Variants in ANKAR observed in about 807,000 individuals in gnomAD.
ANKAR encodes the protein ankyrin and armadillo repeat containing, also known as ankyrin and armadillo repeat-containing protein.
Under a neutral mutation model 146.2 loss-of-function variants are expected in ANKAR, and 136 were observed. That is an observed-to-expected ratio of 0.93 (90% confidence interval 0.81 to 1.07). The LOEUF is 1.07. Among genes scored for constraint, ANKAR ranks in the 50% least tolerant of loss-of-function variants. The pLI is 0.00. For synonymous variants in ANKAR, 500 were observed against 575.8 expected (o/e 0.87, Z 1.88); for missense variants, 1,567 against 1,679.9 (o/e 0.93, Z 1.18).
intron 16 of ANKAR, among the ~76,000 whole-genome samples, chr2:189,731,672 G>GT: frequency 1.9e-4 from 1 of 5,382 alleles, no homozygotes; most frequent in Non-Finnish European, 5.6e-3. Context: ...CACCCAGGCT[G>GT]TTTCTTTTTT....
chr2:189,722,306 T>G (rs1031549281), intron 12 of ANKAR, among the ~76,000 whole-genome samples: 4 of 136,708 alleles, frequency 2.9e-5, no homozygotes, highest in Non-Finnish European at 4.6e-5. Context: ...ACCACTGCAC[T>G]CTAGCCTGGG....
intron 12 of ANKAR, among the ~76,000 whole-genome samples, chr2:189,723,276 T>A (rs1287462333): frequency 2.0e-5 from 3 of 152,246 alleles, no homozygotes; most frequent in Admixed American, 1.3e-4. Flanking sequence ...CTACCCTTGC[T>A]AAGTTTGGTT....
rs376824673 is a variant in ANKAR at position 189,745,027 on chromosome 2, C to CTACTACTACTACTACTACTACTACTAA, written c.4057+241_4057+242insCTACTACTACTACTACTACTACTAATA. 8.7e-3 allele frequency among the ~76,000 whole-genome samples: 1,134 copies of CTACTACTACTACTACTACTACTACTAA among 131,080 alleles called. 11 individuals are homozygous for CTACTACTACTACTACTACTACTACTAA. Among genetic ancestry groups the CTACTACTACTACTACTACTACTACTAA allele is most frequent in the African/African-American group, 0.016 (561 of 35,830 alleles). 86.0% of individuals were successfully genotyped at this position (131,080 alleles called of 152,430 possible). A position where few individuals can be genotyped will look rare whatever the true frequency, so the allele number is the denominator to read the frequency against. On this transcript the variant is annotated intron_variant, in intron 22 of 22. Coordinates refer to ENST00000684021, the MANE Select transcript of ANKAR (RefSeq NM_001378068.1). ...ACTACTACTACTACTACTACTACTACTAATAATACAAAAATTAGCCAGGCA... is the reference window on the plus strand; with the variant it reads ...ACTACTACTACTACTACTACTACTACTACTACTACTACTACTACTACTACTAATAATAATACAAAAATTAGCCAGGCA...
chr2:189,754,962 A>G (rs1478451592), intron 18 of ANKAR: 1 of 595,042 alleles, frequency 1.7e-6, no homozygotes, highest in African/African-American at 1.9e-5. Flanking sequence ...TTATGTACAG[A>G]TATGAACCTC....
At chr2:189,720,405 G>A (rs2041099737) in intron 11 of ANKAR, among the ~76,000 whole-genome samples, 1 of 151,926 alleles carries the variant, frequency 6.6e-6, no homozygotes, top group Non-Finnish European at 1.5e-5. Context: ...GTGCCACCAC[G>A]CCTGGCTAAT....
At chr2:189,709,683 G>A (rs191314968) in intron 9 of ANKAR, among the ~76,000 whole-genome samples, 47 of 152,288 alleles carry the variant, frequency 3.1e-4, no homozygotes, top group African/African-American at 1.1e-3. Context: ...CCTGACGTTG[G>A]AATTTACTAG....
chr2:189,735,881 T>G (rs1034293009), intron 17 of ANKAR, among the ~76,000 whole-genome samples: 1 of 152,234 alleles, frequency 6.6e-6, no homozygotes, highest in Non-Finnish European at 1.5e-5. Context: ...TAATTATGAA[T>G]ATACTTTTGA....
intron 10 of ANKAR, among the ~76,000 whole-genome samples, chr2:189,714,013 C>A (rs931065391): frequency 6.6e-6 from 1 of 151,910 alleles, no homozygotes; most frequent in South Asian, 2.1e-4. Context: ...AAAAAGGAGA[C>A]AAGGGCATTA....
intron 2 of ANKAR, 64 bp from the exon 3 acceptor site, chr2:189,689,463 G>C (rs1418482171): frequency 7.6e-7 from 1 of 1,324,144 alleles, no homozygotes; most frequent in Non-Finnish European, 1.0e-6. Context: ...TCAATCTTCT[G>C]TATTTATCCA....
chr2:189,760,619 C>T (rs922394563), intron 18 of ANKAR, among the ~76,000 whole-genome samples: 3 of 151,980 alleles, frequency 2.0e-5, no homozygotes, highest in Non-Finnish European at 2.9e-5. Flanking sequence ...GGTGAAACCC[C>T]GTCTCTACTA....
chr2:189,745,012 C>CTAT lies in ANKAR; in HGVS notation c.4057+226_4057+227insTTA, dbSNP rs1463054012. Among the ~76,000 whole-genome samples, 7 of 91,482 alleles carry CTAT rather than the reference C, an allele frequency of 7.7e-5. No homozygotes were observed. The East Asian group carries it at 2.3e-3, about 30-fold the overall frequency. 60.0% of individuals were successfully genotyped at this position (91,482 alleles called of 152,430 possible). A position where few individuals can be genotyped will look rare whatever the true frequency, so the allele number is the denominator to read the frequency against. ...ATCTCTACTACTACTACTACTACTA[C>CTAT]TACTACTACTACTACTAATAATACA... On this transcript the variant is annotated intron_variant, in intron 22 of 22. Transcript: ENST00000684021.
intron 18 of ANKAR, among the ~76,000 whole-genome samples, chr2:189,755,908 CAGA>C (rs1269403555): frequency 6.6e-6 from 1 of 152,012 alleles, no homozygotes; most frequent in Non-Finnish European, 1.5e-5. Context: ...TCCTTGCTGA[CAGA>C]AGATTTTAAG....
At chr2:189,694,410 C>T (rs1036186692) in intron 5 of ANKAR, among the ~76,000 whole-genome samples, 6 of 152,108 alleles carry the variant, frequency 3.9e-5, no homozygotes, top group African/African-American at 1.2e-4. Flanking sequence ...CGTTTTCCCT[C>T]ACCTGTGATG....
intron 2 of ANKAR, among the ~76,000 whole-genome samples, chr2:189,681,885 A>G (rs112192884): frequency 6.6e-6 from 1 of 152,204 alleles, no homozygotes; most frequent in African/African-American, 2.4e-5. Context: ...TTGTGATTCT[A>G]CTTTTAAAAT....
chr2:189,723,989 A>T (rs1031251036), intron 12 of ANKAR, among the ~76,000 whole-genome samples: 2 of 152,212 alleles, frequency 1.3e-5, no homozygotes, highest in African/African-American at 2.4e-5. Context: ...TTATTGTTGG[A>T]AAGCTTGCTT....
intron 18 of ANKAR, 90 bp from the exon 19 acceptor site, chr2:189,738,475 T>TA (rs56352098): frequency 0.58 from 375,550 of 646,312 alleles, 91,722 homozygotes; most frequent in South Asian, 0.63. Context: ...TCAAAAGAAT[T>TA]AAAAAAAAAA....
intron 3 of ANKAR, among the ~76,000 whole-genome samples, chr2:189,691,788 G>T (rs1156684976): frequency 6.6e-6 from 1 of 151,220 alleles, no homozygotes; most frequent in African/African-American, 2.4e-5. Flanking sequence ...TTTGAGACAG[G>T]GTGTCACTCT....
intron 18 of ANKAR, chr2:189,753,122 G>T: frequency 1.6e-6 from 1 of 622,994 alleles, no homozygotes; most frequent in Non-Finnish European, 2.5e-6. Flanking sequence ...ACATATCTAT[G>T]TAATAAAAAT....
At chr2:189,727,137 G>C (rs1225085) in intron 12 of ANKAR, among the ~76,000 whole-genome samples, 149,424 of 152,244 alleles carry the variant, frequency 0.98, 73,387 homozygotes, top group East Asian at 1. Context: ...CACAGTGTAA[G>C]TGGTTAAAAG....
Sources: gnomAD v4.1 joint callset for allele counts (sites outside exome capture counted in the v4.1 genomes callset) on GRCh38, gnomAD v4.1.1 for gene constraint, MANE v1.5 for transcripts, NCBI Gene and HGNC (gene_info 2026-07-23, HGNC 2026-07-21) for gene names.